The following EXOC4 variants were observed in gnomAD, a reference collection of about 807,000 sequenced individuals.
The protein encoded by EXOC4 is SEC8-like 1.
Under a neutral mutation model 107.2 loss-of-function variants are expected in EXOC4, and 71 were observed. The observed-to-expected ratio is 0.66, with a 90% CI of 0.55 to 0.81. EXOC4 has a LOEUF of 0.81. Among genes scored for constraint, EXOC4 ranks in the 30% least tolerant of loss-of-function variants. EXOC4 has a pLI of 0.00. For synonymous variants in EXOC4, 456 were observed against 441.2 expected, an observed-to-expected ratio of 1.03 and a Z score of -0.42; for missense variants, 1,108 against 1,189.6, an observed-to-expected ratio of 0.93 and a Z score of 1.01.
chr7:133,411,889 C>A (rs17595718), intron 7 of EXOC4, among the ~76,000 whole-genome samples: 2 of 152,200 alleles, frequency 1.3e-5, no homozygotes, highest in South Asian at 2.1e-4. Context: ...TTGGTACTCA[C>A]GCAGTGTTGT....
chr7:133,499,426 GATA>G (rs762783086), intron 9 of EXOC4, among the ~76,000 whole-genome samples: 17 of 152,088 alleles, frequency 1.1e-4, no homozygotes, highest in Non-Finnish European at 1.3e-4. Context: ...TCCATAAGCG[GATA>G]ATATTTGGGG....
intron 2 of EXOC4, among the ~76,000 whole-genome samples, chr7:133,280,296 T>C (rs1313293383): frequency 6.6e-6 from 1 of 152,208 alleles, no homozygotes; most frequent in African/African-American, 2.4e-5. Context: ...TGTTATTGCA[T>C]TGGTAAACCT....
chr7:133,964,433 C>T (rs897310448), intron 14 of EXOC4, among the ~76,000 whole-genome samples: 3 of 152,016 alleles, frequency 2.0e-5, no homozygotes, highest in Non-Finnish European at 1.5e-5. Context: ...CACCCATCAA[C>T]CGGTCATCTA....
chr7:133,615,589 T>C (rs531722729), intron 9 of EXOC4, among the ~76,000 whole-genome samples: 9 of 152,192 alleles, frequency 5.9e-5, no homozygotes, highest in Non-Finnish European at 1.0e-4. Flanking sequence ...TTGAATTTAA[T>C]CTGTCTGCAG....
intron 14 of EXOC4, among the ~76,000 whole-genome samples, chr7:133,943,935 C>A (rs2116757624): frequency 6.6e-6 from 1 of 152,184 alleles, no homozygotes; most frequent in South Asian, 2.1e-4. Flanking sequence ...CCAATTCATG[C>A]AATAATGTCA....
intron 9 of EXOC4, among the ~76,000 whole-genome samples, chr7:133,579,753 C>A (rs906592668): frequency 2.0e-5 from 3 of 150,020 alleles, no homozygotes; most frequent in Non-Finnish European, 4.4e-5. Flanking sequence ...GTGGCATGAT[C>A]TCAGCTCTCT....
intron 5 of EXOC4, 112 bp from the exon 6 acceptor site, chr7:133,356,218 C>T (rs1796017125): frequency 9.2e-7 from 1 of 1,085,488 alleles, no homozygotes; most frequent in Non-Finnish European, 1.3e-6. Flanking sequence ...GAAAAATCCT[C>T]TTTAATTCTT....
In EXOC4 at chr7:133,857,969, G is replaced by C. The variant is rs1318567716; in HGVS notation, c.1735-37630G>C. On this transcript the variant is annotated intron_variant, in intron 11 of 17. Coordinates refer to ENST00000253861, the MANE Select transcript of EXOC4 (RefSeq NM_021807.4). Reference sequence around the variant, plus strand: ...CCCATTGCTGCTTCCCGTCACATGGGGTAGCCGCCCAACACCAGCGGAGGG... The same window carrying C: ...CCCATTGCTGCTTCCCGTCACATGGCGTAGCCGCCCAACACCAGCGGAGGG... Among the ~76,000 whole-genome samples, 3 of 152,250 alleles carry C rather than the reference G, an allele frequency of 2.0e-5. No individual in the cohort carries two copies. The East Asian group carries it at 5.8e-4, about 30-fold the overall frequency.
In EXOC4 at chr7:133,567,559, G is replaced by A. The variant is rs887852204; in HGVS notation, c.1418-62486G>A. On this transcript the variant is annotated intron_variant, in intron 9 of 17. Transcript: ENST00000253861. ...GGCAGTGGCGTTTGCAGGCCAAACC[G>A]TTATATTCCAGGGTTTGTGCATTTG... 3.9e-5 allele frequency among the ~76,000 whole-genome samples: 6 copies of A among 152,218 alleles called. No individual in the cohort carries two copies. In the East Asian group the frequency reaches 9.7e-4, roughly 24 times the overall value.
chr7:133,743,508 T>C (rs549190663), intron 10 of EXOC4, among the ~76,000 whole-genome samples: 36 of 152,338 alleles, frequency 2.4e-4, no homozygotes, highest in Admixed American at 6.5e-4. Flanking sequence ...TCTGTACTAC[T>C]GGCAGTAGCC....
chr7:133,306,086 T>G, intron 4 of EXOC4, 25 bp downstream of exon 4: 1 of 1,577,946 alleles, frequency 6.3e-7, no homozygotes, highest in Non-Finnish European at 8.7e-7. Context: ...TTGCTATAAG[T>G]GTCTTGTGGC....
intron 5 of EXOC4, among the ~76,000 whole-genome samples, chr7:133,327,095 G>C (rs755801508): frequency 2.6e-5 from 4 of 152,194 alleles, no homozygotes; most frequent in Non-Finnish European, 4.4e-5. Flanking sequence ...GATTTTCCAG[G>C]TGCCATCCAT....
chr7:133,335,375 A>G lies in EXOC4; in HGVS notation c.763+17985A>G, dbSNP rs116488275. On this transcript the variant is annotated intron_variant, in intron 5 of 17. Transcript: ENST00000253861. ...AACTCCTCTTTGTCCACCTCCACCAACCCCTGGCGGCCCCCATTCTACTTT... is the reference window on the plus strand; with the variant it reads ...AACTCCTCTTTGTCCACCTCCACCAGCCCCTGGCGGCCCCCATTCTACTTT... Among the ~76,000 whole-genome samples, 181 of 151,592 alleles carry G rather than the reference A, an allele frequency of 1.2e-3. 1 individual carries two copies. Among genetic ancestry groups the G allele is most frequent in the African/African-American group, 4.3e-3 (178 of 41,268 alleles).
At chr7:133,553,693 A>G (rs1563106008) in intron 9 of EXOC4, among the ~76,000 whole-genome samples, 3 of 152,148 alleles carry the variant, frequency 2.0e-5, no homozygotes, top group Non-Finnish European at 4.4e-5. Flanking sequence ...TTTTATGGAA[A>G]TGGAATAGAT....
chr7:133,468,627 C>T lies in EXOC4; in HGVS notation c.1183-6701C>T, dbSNP rs569484320. On this transcript the variant is annotated intron_variant, in intron 7 of 17. Transcript: ENST00000253861. ...TTTTCAAATTCCTTTGAGACATCCTCCATTGGGTAAGACTATACTTTCTGC... is the reference window on the plus strand; with the variant it reads ...TTTTCAAATTCCTTTGAGACATCCTTCATTGGGTAAGACTATACTTTCTGC... Among the ~76,000 whole-genome samples the T allele has an allele frequency of 1.1e-4, 17 of 152,202 alleles. 1 individual carries two copies. The East Asian group carries it at 3.1e-3, about 28-fold the overall frequency.
chr7:133,324,466 G>T, intron 5 of EXOC4, among the ~76,000 whole-genome samples: 2 of 152,202 alleles, frequency 1.3e-5, no homozygotes, highest in Middle Eastern at 3.4e-3. Flanking sequence ...ATTTTGTTAT[G>T]TACCCAGTAG....
intron 9 of EXOC4, among the ~76,000 whole-genome samples, chr7:133,595,997 C>A (rs957524537): frequency 6.6e-6 from 1 of 152,158 alleles, no homozygotes; most frequent in Non-Finnish European, 1.5e-5. Context: ...CCAGCCCCAC[C>A]TTTTCCCCAC....
At chr7:133,431,748 A>C (rs1450553848) in intron 7 of EXOC4, among the ~76,000 whole-genome samples, 1 of 152,236 alleles carries the variant, frequency 6.6e-6, no homozygotes, top group Non-Finnish European at 1.5e-5. Context: ...ATAGGTTTAT[A>C]GACCGGACCC....
intron 2 of EXOC4, among the ~76,000 whole-genome samples, chr7:133,287,515 G>A (rs537255568): frequency 3.8e-4 from 58 of 152,144 alleles, no homozygotes; most frequent in South Asian, 1.2e-3. Flanking sequence ...GGGTTTCACC[G>A]TGTTAGCCAG....
Sources: allele counts gnomAD v4.1 joint callset (sites outside exome capture counted in the v4.1 genomes callset), GRCh38; gene constraint gnomAD v4.1.1; transcripts MANE v1.5; gene names NCBI Gene and HGNC (gene_info 2026-07-23, HGNC 2026-07-21).